Variants in NECTIN2 observed in about 807,000 individuals in gnomAD.
NECTIN2 encodes nectin cell adhesion molecule 2.
Under a neutral mutation model 56.9 loss-of-function variants are expected in NECTIN2, and 23 were observed. The ratio of observed to expected loss-of-function variants is 0.40; its 90% confidence interval spans 0.29 to 0.57. The LOEUF is 0.57. Ranked by LOEUF, NECTIN2 falls within the 20% of genes least tolerant of loss-of-function variation. NECTIN2 has a pLI of 0.38. For synonymous variants in NECTIN2, 302 were observed against 313.8 expected, an observed-to-expected ratio of 0.96 and a Z score of 0.40; for missense variants, 587 against 718.3, an observed-to-expected ratio of 0.82 and a Z score of 2.09.
chr19:44,884,761 G>A (rs1969341674), intron 6 of NECTIN2, among the ~76,000 whole-genome samples: 1 of 152,204 alleles, frequency 6.6e-6, no homozygotes, highest in African/African-American at 2.4e-5. Flanking sequence ...AGGGCTTCCT[G>A]GAAGAGGGGA....
intron 8 of NECTIN2, among the ~76,000 whole-genome samples, chr19:44,886,652 G>T (rs1969364764): frequency 6.6e-6 from 1 of 152,170 alleles, no homozygotes; most frequent in Admixed American, 6.6e-5. Flanking sequence ...AACCCAGGAG[G>T]CCGAGGTTAC....
chr19:44,858,784 A>T (rs1968999644), intron 1 of NECTIN2, among the ~76,000 whole-genome samples: 1 of 151,908 alleles, frequency 6.6e-6, no homozygotes, highest in Non-Finnish European at 1.5e-5. Context: ...CTGGGATTAC[A>T]GGTGCCTGCC....
Position 44,886,019 on chromosome 19 carries a change from G to A in NECTIN2, c.1260+19G>A. ...GGAGATGGTGAGCACTTTCCCTGGA[G>A]CCCAAGCTATCCCCACCTCCACACC... On this transcript the variant is annotated intron_variant, in intron 7 of 8. Coordinates refer to ENST00000252483, the MANE Select transcript of NECTIN2 (RefSeq NM_001042724.2). 1 of 1,592,802 alleles carries A rather than the reference G, an allele frequency of 6.3e-7. No individual in the cohort carries two copies. The highest frequency in any genetic ancestry group is 8.6e-7 in the Non-Finnish European group (1 of 1,160,784).
rs149894142 is a variant in NECTIN2, at chr19:44,875,850, G to C, written c.1042+1372G>C. 7.6e-4 allele frequency among the ~76,000 whole-genome samples: 115 copies of C among 152,308 alleles called. No homozygotes were observed. The highest frequency in any genetic ancestry group is 2.6e-3 in the African/African-American group (110 of 41,560). On this transcript the variant is annotated intron_variant, in intron 5 of 8. Coordinates refer to ENST00000252483, the MANE Select transcript of NECTIN2 (RefSeq NM_001042724.2). The surrounding 1 kb of genome is among the most constrained non-coding windows in gnomAD (Gnocchi z 4.2). ...AGCCAGGGAGATAGGACACCCCTAC[G>C]GGAAACACTGTCACAGACAGCAAAC...
At chr19:44,876,778 C>G (rs1969244196) in intron 5 of NECTIN2, among the ~76,000 whole-genome samples, 1 of 152,142 alleles carries the variant, frequency 6.6e-6, no homozygotes, top group Non-Finnish European at 1.5e-5. Flanking sequence ...CAGGGTCTCG[C>G]TATGTTGGCC....
chr19:44,884,843 G>C (rs1969342346), intron 6 of NECTIN2, among the ~76,000 whole-genome samples: 2 of 151,630 alleles, frequency 1.3e-5, no homozygotes, highest in Admixed American at 1.3e-4. Flanking sequence ...TGTGTAGAAT[G>C]AGGGACAGGA....
intron 1 of NECTIN2, among the ~76,000 whole-genome samples, chr19:44,857,248 T>TTC (rs2122641692): frequency 6.6e-6 from 1 of 150,902 alleles, no homozygotes; most frequent in African/African-American, 2.4e-5. Flanking sequence ...TTTTTTTTTT[T>TTC]TTTTGAGACA....
intron 5 of NECTIN2, chr19:44,878,653 G>GCCCA: frequency 6.4e-7 from 1 of 1,555,700 alleles, no homozygotes; most frequent in Non-Finnish European, 8.7e-7. Context: ...GCCAGGCCCG[G>GCCCA]CCCTCCCGCC....
At chr19:44,885,211 G>A (rs778042890) in intron 6 of NECTIN2, among the ~76,000 whole-genome samples, 7 of 151,400 alleles carry the variant, frequency 4.6e-5, no homozygotes, top group Non-Finnish European at 8.8e-5. Context: ...GGTCAGGCTG[G>A]TCTCACACTC....
In NECTIN2 at chr19:44,865,603, G is replaced by C; in HGVS notation, c.421G>C (p.Glu141Gln). 6.5e-7 allele frequency: 1 copy of C among 1,541,802 alleles called. No individual in the cohort carries two copies. The highest frequency in any genetic ancestry group is 8.7e-7 in the Non-Finnish European group (1 of 1,147,134). The change falls in exon 2 of 9, where the codon GAG becomes CAG. Residue 141 changes from glutamate (E) to glutamine (Q), a missense_variant. Physicochemically the swap from Glu to Gln is conservative, Grantham distance 29. Transcript: ENST00000252483. The surrounding 1 kb of genome is among the most constrained non-coding windows in gnomAD (Gnocchi z 5.2). ...GGAGGACGAGGGCAACTACACTTGC[G>C]AGTTTGCCACCTTCCCCAAGGGGTC... ...TVEDEGNYTC[E>Q]FATFPKGSVR...
At chr19:44,857,235 C>CTTTTTT (rs34803447) in intron 1 of NECTIN2, among the ~76,000 whole-genome samples, 1 of 128,444 alleles carries the variant, frequency 7.8e-6, no homozygotes. Context: ...TACAAGTGGA[C>CTTTTTT]TTTTTTTTTT....
intron 8 of NECTIN2, among the ~76,000 whole-genome samples, 200 bp from the exon 9 acceptor site, chr19:44,887,910 G>A (rs1351994901): frequency 6.6e-6 from 1 of 152,174 alleles, no homozygotes; most frequent in East Asian, 1.9e-4. Flanking sequence ...TTAACAGGGT[G>A]AGTTGCACGA....
chr19:44,847,399 G>A (rs916429525), intron 1 of NECTIN2, among the ~76,000 whole-genome samples: 1 of 152,130 alleles, frequency 6.6e-6, no homozygotes. Flanking sequence ...TGGGCAGGGG[G>A]CTTCGTTTTC....
At chr19:44,849,502 C>T (rs948983781) in intron 1 of NECTIN2, among the ~76,000 whole-genome samples, 3 of 152,062 alleles carry the variant, frequency 2.0e-5, no homozygotes, top group Non-Finnish European at 2.9e-5. Flanking sequence ...CCAGCTCCCC[C>T]GCCCCTGCCT....
At chr19:44,851,886 G>A (rs921547415) in intron 1 of NECTIN2, among the ~76,000 whole-genome samples, 19 of 152,140 alleles carry the variant, frequency 1.2e-4, no homozygotes, top group Non-Finnish European at 2.2e-4. Flanking sequence ...CATGCAGAGC[G>A]TCTGGGCAGC....
intron 2 of NECTIN2, among the ~76,000 whole-genome samples, chr19:44,868,894 A>C (rs1303074526): frequency 1.3e-5 from 2 of 150,004 alleles, no homozygotes; most frequent in African/African-American, 4.9e-5. Context: ...CCTGGGCGAC[A>C]GAGTGAGACT....
intron 1 of NECTIN2, among the ~76,000 whole-genome samples, chr19:44,853,278 G>T (rs181293272): frequency 1.3e-4 from 19 of 147,852 alleles, no homozygotes; most frequent in African/African-American, 4.5e-4. Context: ...CTCACTGCAA[G>T]CTCTGCCTCC....
At chr19:44,885,428 C>T (rs1408001080) in intron 6 of NECTIN2, among the ~76,000 whole-genome samples, 26 of 151,728 alleles carry the variant, frequency 1.7e-4, no homozygotes, top group African/African-American at 4.8e-4. Flanking sequence ...TCTTGTGCCT[C>T]AGCCTCCTGA....
intron 1 of NECTIN2, among the ~76,000 whole-genome samples, chr19:44,850,704 G>A (rs1323347883): frequency 6.6e-6 from 1 of 152,134 alleles, no homozygotes. Flanking sequence ...CAGAAATCCA[G>A]GCACAGACAG....
Sources: gnomAD v4.1 joint callset for allele counts (sites outside exome capture counted in the v4.1 genomes callset) on GRCh38, gnomAD v4.1.1 for gene constraint, Gnocchi (gnomAD v3.1) non-coding constraint, MANE v1.5 for transcripts, NCBI Gene and HGNC (gene_info 2026-07-23, HGNC 2026-07-21) for gene names.